Variants in LRRTM4 observed in about 807,000 individuals in gnomAD.
LRRTM4 encodes leucine-rich repeat transmembrane neuronal protein 4.
A neutral mutation model predicts 47.6 loss-of-function variants in LRRTM4; 25 were observed. The observed-to-expected ratio is 0.53, with a 90% CI of 0.38 to 0.73. The LOEUF is 0.73. LRRTM4 is among the 30% of genes least tolerant of loss of function. LRRTM4 has a pLI of 0.00. For missense variants in LRRTM4, 638 were observed against 713.4 expected, an observed-to-expected ratio of 0.89 and a Z score of 1.20; for synonymous variants, 311 against 269.5, an observed-to-expected ratio of 1.15 and a Z score of -1.51.
intron 3 of LRRTM4, among the ~76,000 whole-genome samples, chr2:77,038,240 T>C (rs1161395376): frequency 6.6e-6 from 1 of 151,618 alleles, no homozygotes; most frequent in Non-Finnish European, 1.5e-5. Context: ...GTCAAGGCCA[T>C]GGTTTAATCA....
intron 3 of LRRTM4, chr2:77,517,527 A>G (rs1466371276): frequency 4.1e-6 from 4 of 985,086 alleles, no homozygotes; most frequent in African/African-American, 1.7e-5. Context: ...GGACAAAGCC[A>G]AAGCATGGAA....
At chr2:77,288,096 A>C (rs1676714496) in intron 3 of LRRTM4, among the ~76,000 whole-genome samples, 1 of 152,134 alleles carries the variant, frequency 6.6e-6, no homozygotes, top group Non-Finnish European at 1.5e-5. Flanking sequence ...TATAAAAGCA[A>C]ATATGACCCA....
In LRRTM4 at chr2:77,469,657, G is replaced by T. The variant is rs896856568; in HGVS notation, c.1551+48661C>A. 9.9e-5 allele frequency among the ~76,000 whole-genome samples: 15 copies of T among 152,136 alleles called. No homozygotes were observed. The East Asian group carries it at 2.7e-3, about 27-fold the overall frequency. Reference sequence around the variant, plus strand: ...AGATGATGAATTGTGGCAAACTAAAGATATCAATCTCACTCTGGAAAGGAA... The same window carrying T: ...AGATGATGAATTGTGGCAAACTAAATATATCAATCTCACTCTGGAAAGGAA... On this transcript the variant is annotated intron_variant, in intron 3 of 3. Coordinates refer to ENST00000409884, the MANE Select transcript of LRRTM4 (RefSeq NM_001134745.3).
At chr2:76,781,227 A>G (rs1674368397) in intron 3 of LRRTM4, among the ~76,000 whole-genome samples, 1 of 152,260 alleles carries the variant, frequency 6.6e-6, no homozygotes. Flanking sequence ...CCCTGCCCCC[A>G]GAGGTGGAGC....
rs1553422164 is a variant in LRRTM4, at chr2:77,285,340, T to TTATATATACATATA, written c.1551+232977_1551+232978insTATATGTATATATA. 3.6e-5 allele frequency among the ~76,000 whole-genome samples: 3 copies of TTATATATACATATA among 82,590 alleles called. 1 individual carries two copies. The highest frequency in any genetic ancestry group is 7.1e-5 in the Non-Finnish European group (3 of 42,466). 54.2% of individuals were successfully genotyped at this position (82,590 alleles called of 152,430 possible). A position where few individuals can be genotyped will look rare whatever the true frequency, so the allele number is the denominator to read the frequency against. Reference sequence around the variant, plus strand: ...AAATTAATTCTACTCAGCATTAAATTTATATATATATATATATATATATGG... The same window carrying TTATATATACATATA: ...AAATTAATTCTACTCAGCATTAAATTTATATATACATATATATATATATATATATATATATATGG... On this transcript the variant is annotated intron_variant, in intron 3 of 3. Coordinates refer to ENST00000409884, the MANE Select transcript of LRRTM4 (RefSeq NM_001134745.3).
At chr2:76,892,153 A>G (rs7420899) in intron 3 of LRRTM4, among the ~76,000 whole-genome samples, 5 of 151,720 alleles carry the variant, frequency 3.3e-5, no homozygotes, top group Non-Finnish European at 7.4e-5. Flanking sequence ...AATTAGATGA[A>G]GAATTCATAT....
At chr2:77,133,928 G>A (rs546518538) in intron 3 of LRRTM4, among the ~76,000 whole-genome samples, 15 of 152,020 alleles carry the variant, frequency 9.9e-5, no homozygotes, top group South Asian at 8.3e-4. Flanking sequence ...TTCATTATTC[G>A]AAAAAATAAT....
chr2:77,006,046 A>G (rs958006164), intron 3 of LRRTM4, among the ~76,000 whole-genome samples: 1 of 152,250 alleles, frequency 6.6e-6, no homozygotes, highest in Non-Finnish European at 1.5e-5. Flanking sequence ...AATCCAGAAT[A>G]CAAACTCTTA....
At chr2:76,793,341 G>A (rs1465109996) in intron 3 of LRRTM4, among the ~76,000 whole-genome samples, 3 of 152,118 alleles carry the variant, frequency 2.0e-5, no homozygotes, top group Non-Finnish European at 4.4e-5. Flanking sequence ...ACAGAGTTGA[G>A]TAGATGGGAC....
intron 3 of LRRTM4, among the ~76,000 whole-genome samples, chr2:76,999,940 A>G (rs1677353273): frequency 6.6e-6 from 1 of 152,190 alleles, no homozygotes; most frequent in Non-Finnish European, 1.5e-5. Context: ...GGGCAGAGTG[A>G]CAGCCCTATA....
chr2:77,505,623 A>G (rs1174880403), intron 3 of LRRTM4, among the ~76,000 whole-genome samples: 4 of 151,568 alleles, frequency 2.6e-5, no homozygotes, highest in Non-Finnish European at 5.9e-5. Flanking sequence ...TAAAAAAGAG[A>G]AGATAAACAT....
chr2:77,089,161 A>AC (rs1389932296), intron 3 of LRRTM4, among the ~76,000 whole-genome samples: 2 of 151,748 alleles, frequency 1.3e-5, no homozygotes, highest in Non-Finnish European at 2.9e-5. Context: ...AGGGGCAAAT[A>AC]CCCCAACCCC....
intron 3 of LRRTM4, among the ~76,000 whole-genome samples, chr2:77,462,870 A>C (rs943728115): frequency 6.6e-6 from 1 of 150,960 alleles, no homozygotes; most frequent in African/African-American, 2.4e-5. Flanking sequence ...TTAAGGAAGC[A>C]TTCTAGAATG....
At chr2:77,112,447 C>T (rs1218334050) in intron 3 of LRRTM4, among the ~76,000 whole-genome samples, 2 of 152,088 alleles carry the variant, frequency 1.3e-5, no homozygotes, top group East Asian at 3.9e-4. Flanking sequence ...TAGGCATGGG[C>T]AATATACTGA....
intron 3 of LRRTM4, among the ~76,000 whole-genome samples, chr2:77,071,860 T>C (rs1680165039): frequency 6.6e-6 from 1 of 152,140 alleles, no homozygotes; most frequent in African/African-American, 2.4e-5. Flanking sequence ...TGAAGGAAAG[T>C]TGAGGACACT....
At chr2:76,841,150 C>T (rs1329160958) in intron 3 of LRRTM4, among the ~76,000 whole-genome samples, 1 of 151,088 alleles carries the variant, frequency 6.6e-6, no homozygotes, top group African/African-American at 2.4e-5. Context: ...CTGGAAACCA[C>T]CATTCTCAGC....
intron 3 of LRRTM4, among the ~76,000 whole-genome samples, chr2:77,175,003 A>C (rs910597254): frequency 7.2e-5 from 11 of 151,978 alleles, no homozygotes; most frequent in African/African-American, 2.7e-4. Flanking sequence ...AATGTGAGGG[A>C]GGTTTTAAGC....
chr2:77,368,268 A>G (rs1396286058), intron 3 of LRRTM4, among the ~76,000 whole-genome samples: 1 of 151,778 alleles, frequency 6.6e-6, no homozygotes, highest in Non-Finnish European at 1.5e-5. Context: ...TGACTCAACT[A>G]TGATTTCTAC....
chr2:77,379,505 A>G (rs1025154369), intron 3 of LRRTM4, among the ~76,000 whole-genome samples: 2 of 151,710 alleles, frequency 1.3e-5, no homozygotes, highest in African/African-American at 4.8e-5. Context: ...TTTTACCTCC[A>G]CCTTGAATTC....
Sources: allele counts gnomAD v4.1 joint callset (sites outside exome capture counted in the v4.1 genomes callset), GRCh38; gene constraint gnomAD v4.1.1; transcripts MANE v1.5; gene names NCBI Gene and HGNC (gene_info 2026-07-23, HGNC 2026-07-21).